The following SMC1B variants were observed in gnomAD, a reference collection of about 807,000 sequenced individuals.
SMC1B encodes the protein structural maintenance of chromosomes 1B, also known as structural maintenance of chromosomes protein 1B.
SMC1B carries 60 observed loss-of-function variants against 157.9 expected under a neutral mutation model. The ratio of observed to expected loss-of-function variants is 0.38; its 90% CI spans 0.31 to 0.47. SMC1B has a LOEUF of 0.47. Among genes scored for constraint, SMC1B ranks in the 20% least tolerant of loss-of-function variants. The pLI, the probability that SMC1B is intolerant of heterozygous loss-of-function variation, is 0.99. For missense variants in SMC1B, 1,165 were observed against 1,426.2 expected, an observed-to-expected ratio of 0.82 and a Z score of 2.95; for synonymous variants, 445 against 483.0, an observed-to-expected ratio of 0.92 and a Z score of 1.03.
At chr22:45,405,793 T>G (rs1206306006) in intron 4 of SMC1B, among the ~76,000 whole-genome samples, 1 of 152,198 alleles carries the variant, frequency 6.6e-6, no homozygotes, top group African/African-American at 2.4e-5. Context: ...ATAATAATAC[T>G]AAGACTTTGT....
At position 45,352,492 on chromosome 22, in the gene SMC1B, T is replaced by C. The variant is rs372091115; in HGVS notation, c.3384A>G (p.Glu1128=). The change falls in exon 22 of 25, where the codon GAA becomes GAG. Residue 1128 remains glutamate, a synonymous_variant. Coordinates refer to ENST00000357450, the MANE Select transcript of SMC1B (RefSeq NM_148674.5). The part of the protein sequence containing the change: ...FMPMDNLSGG[E]KCVAALALLF... ...GGAGAGCCAAGGCTGCCACACACTT[T>C]TCTCCCCCTGACAAATTGTCCATTG... 7.4e-6 allele frequency: 12 copies of C among 1,614,022 alleles called. No individual in the cohort carries two copies. The African/African-American group carries it at 1.6e-4, about 22-fold the overall frequency.
intron 9 of SMC1B, among the ~76,000 whole-genome samples, chr22:45,392,643 G>A (rs140446529): frequency 1.0e-3 from 159 of 152,226 alleles, no homozygotes; most frequent in African/African-American, 3.7e-3. Flanking sequence ...AGATGAAGAT[G>A]GGTGGCCAGA....
At chr22:45,401,632 TGA>T (rs544791703) in intron 5 of SMC1B, among the ~76,000 whole-genome samples, 116 of 152,362 alleles carry the variant, frequency 7.6e-4, no homozygotes, top group Middle Eastern at 3.4e-3. Context: ...ATACCTGATC[TGA>T]ACAACCCTTC....
At chr22:45,399,049 T>C in intron 6 of SMC1B, 46 bp downstream of exon 6, 1 of 1,560,020 alleles carries the variant, frequency 6.4e-7, no homozygotes, top group East Asian at 2.2e-5. Context: ...TCAAAGCAGC[T>C]GAAATAATAG....
At chr22:45,363,880 A>G (rs1177801170) in intron 15 of SMC1B, among the ~76,000 whole-genome samples, 1 of 148,460 alleles carries the variant, frequency 6.7e-6, no homozygotes, top group African/African-American at 2.5e-5. Context: ...ATGGAGTCTC[A>G]CTCTGTTGCT....
chr22:45,381,543 A>G (rs2086936854), intron 12 of SMC1B, among the ~76,000 whole-genome samples: 1 of 152,124 alleles, frequency 6.6e-6, no homozygotes, highest in Non-Finnish European at 1.5e-5. Context: ...AGATTCCACT[A>G]TGTCCTGATT....
At chr22:45,350,805 C>G (rs2086607938) in intron 22 of SMC1B, among the ~76,000 whole-genome samples, 1 of 152,164 alleles carries the variant, frequency 6.6e-6, no homozygotes, top group South Asian at 2.1e-4. Context: ...CACACCCGTA[C>G]CTGTCAGCAA....
At position 45,347,216 on chromosome 22, in the gene SMC1B, C is replaced by T. The variant is rs115520166; in HGVS notation, c.3496-1647G>A. 5.0e-3 allele frequency among the ~76,000 whole-genome samples: 756 copies of T among 152,260 alleles called. 10 individuals carry two copies. The highest frequency in any genetic ancestry group is 0.017 in the African/African-American group (721 of 41,544). On this transcript the variant is annotated intron_variant, in intron 23 of 24. Transcript: ENST00000357450. The stretch of plus-strand genomic sequence containing the variant: ...TTCTTTCCTGTTTCCTTCCCAGCTA[C>T]CATGTCCTGTTTCCTCCCCAGCTAC...
At chr22:45,397,695 G>A (rs1028646462) in intron 6 of SMC1B, among the ~76,000 whole-genome samples, 10 of 152,024 alleles carry the variant, frequency 6.6e-5, no homozygotes, top group African/African-American at 1.5e-4. Flanking sequence ...GGGTGGTGCC[G>A]TTGTTTTAGC....
intron 4 of SMC1B, among the ~76,000 whole-genome samples, chr22:45,404,432 T>C (rs2087233983): frequency 6.6e-6 from 1 of 152,212 alleles, no homozygotes; most frequent in Non-Finnish European, 1.5e-5. Flanking sequence ...AGAATCCCCT[T>C]TCCCTTTTCC....
chr22:45,360,309 C>A (rs2146775240), intron 17 of SMC1B, among the ~76,000 whole-genome samples: 1 of 152,272 alleles, frequency 6.6e-6, no homozygotes, highest in South Asian at 2.1e-4. Flanking sequence ...CAGTAAGTCA[C>A]ATACACTTAA....
rs143059703 is a variant in SMC1B, at chr22:45,394,364, G to T, written c.1337+321C>A. ...ATACATAAATAAGAAAGCTGCAAGGGGTGCGATGGCTCACACCTGTAATCC... is the reference window on the plus strand; with the variant it reads ...ATACATAAATAAGAAAGCTGCAAGGTGTGCGATGGCTCACACCTGTAATCC... On this transcript the variant is annotated intron_variant, in intron 8 of 24. Transcript: ENST00000357450. Among the ~76,000 whole-genome samples, 27 of 152,024 alleles carry T rather than the reference G, an allele frequency of 1.8e-4. No homozygotes were observed. The East Asian group carries it at 5.0e-3, about 28-fold the overall frequency.
chr22:45,382,522 T>A (rs1445212821), intron 12 of SMC1B, among the ~76,000 whole-genome samples: 1 of 152,204 alleles, frequency 6.6e-6, no homozygotes, highest in Non-Finnish European at 1.5e-5. Context: ...AAGAAAATGT[T>A]CTATGTCATG....
At chr22:45,368,798 C>T (rs56693139) in intron 15 of SMC1B, among the ~76,000 whole-genome samples, 14,010 of 152,106 alleles carry the variant, frequency 0.092, 815 homozygotes, top group African/African-American at 0.15. Context: ...GAATTACAGG[C>T]GTGAGCCACC....
At chr22:45,412,910 C>T (rs777538267) in intron 1 of SMC1B, among the ~76,000 whole-genome samples, 1 of 152,206 alleles carries the variant, frequency 6.6e-6, no homozygotes, top group African/African-American at 2.4e-5. Flanking sequence ...TCGACAGCTC[C>T]CTCTCACTTC....
intron 9 of SMC1B, among the ~76,000 whole-genome samples, chr22:45,391,969 T>C (rs758380814): frequency 1.3e-5 from 2 of 152,066 alleles, no homozygotes; most frequent in Non-Finnish European, 2.9e-5. Flanking sequence ...TTTGTTTTTG[T>C]TTTTTTGAAA....
chr22:45,377,761 C>G (rs2146805992), intron 12 of SMC1B, among the ~76,000 whole-genome samples: 1 of 152,016 alleles, frequency 6.6e-6, no homozygotes, highest in East Asian at 1.9e-4. Context: ...GTCTCGAACT[C>G]CTGGGCTCAA....
At chr22:45,408,638 CA>C in intron 2 of SMC1B, 71 bp downstream of exon 2, 1 of 1,081,858 alleles carries the variant, frequency 9.2e-7, no homozygotes, top group Non-Finnish European at 1.3e-6. Flanking sequence ...CCATACCCTC[CA>C]AAGAAAGAAA....
At chr22:45,361,172 T>C (rs922820724) in intron 17 of SMC1B, among the ~76,000 whole-genome samples, 3 of 152,220 alleles carry the variant, frequency 2.0e-5, no homozygotes, top group South Asian at 2.1e-4. Flanking sequence ...AAACCAGAAA[T>C]TGTGGCTCCA....
Sources: allele counts gnomAD v4.1 joint callset (sites outside exome capture counted in the v4.1 genomes callset), GRCh38; gene constraint gnomAD v4.1.1; transcripts MANE v1.5; gene names NCBI Gene and HGNC (gene_info 2026-07-23, HGNC 2026-07-21).